Variants in SMARCA2 observed in about 807,000 individuals in gnomAD.
The protein encoded by SMARCA2 is SWI/SNF related BAF chromatin remodeling complex subunit ATPase 2.
A neutral mutation model predicts 199.8 loss-of-function variants in SMARCA2; 61 were observed. The observed-to-expected ratio is 0.31, with a 90% CI of 0.25 to 0.38. The LOEUF (loss-of-function observed/expected upper bound fraction) is 0.38, where lower values mean the gene tolerates loss of function less well. Among genes scored for constraint, SMARCA2 ranks in the 10% least tolerant of loss-of-function variants. The probability of loss-of-function intolerance (pLI) is 1.00; values close to 1 mark genes in which losing one functional copy is unlikely to be tolerated. For synonymous variants in SMARCA2, 935 were observed against 732.0 expected, an observed-to-expected ratio of 1.28 and a Z score of -4.48; for missense variants, 1,344 against 2,012.2, an observed-to-expected ratio of 0.67 and a Z score of 6.35.
At position 2,086,772 on chromosome 9, in the gene SMARCA2, G is replaced by T. The variant is rs776775836; in HGVS notation, c.2527-57G>T. 3.1e-6 allele frequency: 5 copies of T among 1,599,546 alleles called. No homozygotes were observed. The highest frequency in any genetic ancestry group is 4.3e-6 in the Non-Finnish European group (5 of 1,171,596). ...TTTCCGCACCACCACTTGCTTGTTG[G>T]AAATAGTTGTATTTTCCCTTGCTTA... On this transcript the variant is annotated intron_variant, in intron 17 of 33. Coordinates refer to ENST00000349721, the MANE Select transcript of SMARCA2 (RefSeq NM_003070.5). The surrounding 1 kb of genome is among the most constrained non-coding windows in gnomAD (Gnocchi z 4.3).
intron 8 of SMARCA2, among the ~76,000 whole-genome samples, chr9:2,060,212 T>G (rs532088143): frequency 6.6e-6 from 1 of 151,960 alleles, no homozygotes; most frequent in African/African-American, 2.4e-5. Flanking sequence ...GAAAGACTTT[T>G]TAAAATATAA....
At chr9:2,099,430 C>A (rs1455674066) in intron 21 of SMARCA2, among the ~76,000 whole-genome samples, 1 of 152,062 alleles carries the variant, frequency 6.6e-6, no homozygotes, top group Non-Finnish European at 1.5e-5. Context: ...AAAGAAATGA[C>A]CCCTTGAGCC....
At chr9:2,189,724 C>G (rs982673483) in intron 32 of SMARCA2, among the ~76,000 whole-genome samples, 6 of 151,950 alleles carry the variant, frequency 3.9e-5, no homozygotes, top group African/African-American at 1.5e-4. Context: ...TAGATAGAAG[C>G]CTTGGCTAGG....
intron 4 of SMARCA2, chr9:2,044,302 A>G (rs1056544710): frequency 1.3e-5 from 2 of 152,252 alleles, no homozygotes; most frequent in African/African-American, 4.8e-5. Flanking sequence ...AGTTTGCTCT[A>G]AGTAGCTCTG....
intron 27 of SMARCA2, among the ~76,000 whole-genome samples, chr9:2,154,779 T>C (rs577385121): frequency 6.6e-6 from 1 of 152,382 alleles, no homozygotes; most frequent in South Asian, 2.1e-4. Flanking sequence ...AGTTATTCTT[T>C]GTGAGCATTA....
In SMARCA2 at chr9:2,135,310, G is replaced by A. The variant is rs138996119; in HGVS notation, c.3981+11373G>A. The stretch of plus-strand genomic sequence containing the variant: ...GATGATTCCTACCTATGTGGGTGAG[G>A]GTGAATCTTCTTTACTCAGTATGTA... On this transcript the variant is annotated intron_variant, in intron 27 of 33. Coordinates refer to ENST00000349721, the MANE Select transcript of SMARCA2 (RefSeq NM_003070.5). 4.3e-3 allele frequency among the ~76,000 whole-genome samples: 649 copies of A among 152,196 alleles called. 17 individuals carry two copies. The highest frequency in any genetic ancestry group is 4.3e-3 in the Non-Finnish European group (294 of 67,996).
intron 28 of SMARCA2, among the ~76,000 whole-genome samples, chr9:2,165,442 G>C (rs1367026780): frequency 6.6e-6 from 1 of 152,136 alleles, no homozygotes; most frequent in Admixed American, 6.6e-5. Flanking sequence ...TGACCCTTAA[G>C]AGCCAGATAT....
chr9:2,032,024 C>T (rs1171255235), intron 2 of SMARCA2, among the ~76,000 whole-genome samples: 1 of 152,172 alleles, frequency 6.6e-6, no homozygotes, highest in East Asian at 1.9e-4. Context: ...TTCTTCCAAA[C>T]ATCCTCTTTA....
chr9:2,190,088 C>T lies in SMARCA2; in HGVS notation c.4595-1178C>T, dbSNP rs7873700. Among the ~76,000 whole-genome samples the T allele has an allele frequency of 4.1e-3, 619 of 152,278 alleles. 2 individuals carry two copies. Among genetic ancestry groups the T allele is most frequent in the African/African-American group, 0.014 (591 of 41,548 alleles). On this transcript the variant is annotated intron_variant, in intron 32 of 33. Coordinates refer to ENST00000349721, the MANE Select transcript of SMARCA2 (RefSeq NM_003070.5). ...TTCTGTGGATACCTATCCCAAATAG[C>T]TACCATGGAGCAGATTGTCTTTGTT...
intron 27 of SMARCA2, among the ~76,000 whole-genome samples, chr9:2,144,275 A>C (rs754876849): frequency 1.3e-5 from 2 of 152,042 alleles, no homozygotes; most frequent in Non-Finnish European, 2.9e-5. Context: ...GAGGAGAGGG[A>C]AACAGTTGTG....
chr9:2,192,066 G>A (rs549769537), intron 33 of SMARCA2: 25 of 154,580 alleles, frequency 1.6e-4, no homozygotes, highest in African/African-American at 5.8e-4. Flanking sequence ...GGTGGAATTC[G>A]GACCCGAGTA....
chr9:2,088,918 A>G (rs1057113881), intron 19 of SMARCA2, among the ~76,000 whole-genome samples: 7 of 137,544 alleles, frequency 5.1e-5, no homozygotes, highest in African/African-American at 1.8e-4. Context: ...CATTGAGTTC[A>G]CTGTTGCAGG....
At chr9:2,048,901 C>T (rs1449210672) in intron 5 of SMARCA2, among the ~76,000 whole-genome samples, 2 of 152,120 alleles carry the variant, frequency 1.3e-5, no homozygotes, top group Non-Finnish European at 2.9e-5. Flanking sequence ...ATGTGCAGTA[C>T]ATTCTGTATG....
At chr9:2,144,618 A>G (rs978856778) in intron 27 of SMARCA2, among the ~76,000 whole-genome samples, 10 of 152,204 alleles carry the variant, frequency 6.6e-5, no homozygotes, top group African/African-American at 2.2e-4. Context: ...AGCACTCACC[A>G]TATGGAGGAT....
In SMARCA2 at chr9:2,163,672, T is replaced by G. The variant is rs116273685; in HGVS notation, c.4199+1769T>G. On this transcript the variant is annotated intron_variant, in intron 28 of 33. Coordinates refer to ENST00000349721, the MANE Select transcript of SMARCA2 (RefSeq NM_003070.5). ...GTCTCAGGAGAGTGTAACGTCTGTTTCTCTGACCAGATGGGCTGTGATGTG... is the reference window on the plus strand; with the variant it reads ...GTCTCAGGAGAGTGTAACGTCTGTTGCTCTGACCAGATGGGCTGTGATGTG... Among the ~76,000 whole-genome samples, 868 of 152,348 alleles carry G rather than the reference T, an allele frequency of 5.7e-3. 9 individuals carry two copies. Among genetic ancestry groups the G allele is most frequent in the African/African-American group, 0.02 (831 of 41,574 alleles).
chr9:2,175,736 G>GA (rs1280270704), intron 29 of SMARCA2, among the ~76,000 whole-genome samples: 1 of 152,136 alleles, frequency 6.6e-6, no homozygotes, highest in African/African-American at 2.4e-5. Flanking sequence ...TCATTTTGGT[G>GA]AATAAGAGTA....
At chr9:2,117,890 C>T (rs1321336863) in intron 25 of SMARCA2, among the ~76,000 whole-genome samples, 2 of 152,186 alleles carry the variant, frequency 1.3e-5, no homozygotes, top group African/African-American at 2.4e-5. Flanking sequence ...TGTTTGAAAA[C>T]ACTGAGAGAC....
rs564754959 is a variant in SMARCA2 at position 2,061,624 on chromosome 9, T to C, written c.1692+638T>C. 2.0e-5 allele frequency among the ~76,000 whole-genome samples: 3 copies of C among 152,338 alleles called. No homozygotes were observed. The East Asian group carries it at 5.8e-4, about 29-fold the overall frequency. Reference sequence around the variant, plus strand: ...AAGAGTAACCTGCTGAGGATAGGCCTGTGAATATGATCCTCTTTGAAGCTT... The same window carrying C: ...AAGAGTAACCTGCTGAGGATAGGCCCGTGAATATGATCCTCTTTGAAGCTT... On this transcript the variant is annotated intron_variant, in intron 9 of 33. Coordinates refer to ENST00000349721, the MANE Select transcript of SMARCA2 (RefSeq NM_003070.5).
chr9:2,160,157 G>A lies in SMARCA2; in HGVS notation c.3982-1529G>A. 3 of 466,392 alleles carry A rather than the reference G, an allele frequency of 6.4e-6. No individual in the cohort carries two copies. In the Admixed American group the frequency reaches 1.1e-4, roughly 17 times the overall value. The allele number at this position is 466,392 out of a possible 1,614,324, so 28.9% of individuals were successfully genotyped here. A position where few individuals can be genotyped will look rare whatever the true frequency, so the allele number is the denominator to read the frequency against. ...TCGCTTAGCTGCAGTGTGTTTAGCT[G>A]TATAGTGGGTGTCCTGCTTTTAGGC... On this transcript the variant is annotated intron_variant, in intron 27 of 33. Coordinates refer to ENST00000349721, the MANE Select transcript of SMARCA2 (RefSeq NM_003070.5).
Sources: gnomAD v4.1 joint callset for allele counts (sites outside exome capture counted in the v4.1 genomes callset) on GRCh38, gnomAD v4.1.1 for gene constraint, Gnocchi (gnomAD v3.1) non-coding constraint, MANE v1.5 for transcripts, NCBI Gene and HGNC (gene_info 2026-07-23, HGNC 2026-07-21) for gene names.